ELF1: variants seen among roughly 807,000 people sequenced by gnomAD.
ELF1 encodes the protein ETS-related transcription factor Elf-1.
Under a neutral mutation model 59.9 loss-of-function variants are expected in ELF1, and 24 were observed. The observed-to-expected ratio is 0.40, with a 90% CI of 0.29 to 0.56. The LOEUF (loss-of-function observed/expected upper bound fraction) is 0.56, where lower values mean the gene tolerates loss of function less well. Ranked by LOEUF, ELF1 falls within the 20% of genes least tolerant of loss-of-function variation. The pLI, the probability that ELF1 is intolerant of heterozygous loss-of-function variation, is 0.44. For synonymous variants in ELF1, 248 were observed against 266.2 expected (o/e 0.93, Z 0.67); for missense variants, 627 against 742.2 (o/e 0.84, Z 1.80).
chr13:40,963,846 C>T (rs1872006142), intron 2 of ELF1, among the ~76,000 whole-genome samples: 1 of 151,822 alleles, frequency 6.6e-6, no homozygotes, highest in African/African-American at 2.4e-5. Context: ...GCAGAGGTTG[C>T]AGTGAGCCAA....
intron 1 of ELF1, among the ~76,000 whole-genome samples, chr13:41,030,078 A>T (rs923082647): frequency 1.3e-5 from 2 of 151,650 alleles, no homozygotes; most frequent in Admixed American, 6.6e-5. Flanking sequence ...TTTATATTAC[A>T]TTAACATGTA....
At chr13:41,016,573 T>A (rs926216045) in intron 1 of ELF1, among the ~76,000 whole-genome samples, 1 of 152,114 alleles carries the variant, frequency 6.6e-6, no homozygotes, top group Non-Finnish European at 1.5e-5. Context: ...ATACACATAT[T>A]TTAGTATAAC....
At position 40,956,001 on chromosome 13, in the gene ELF1, G is replaced by A. The variant is rs1225541156; in HGVS notation, c.253+2835C>T. ...CCGCCCCGTCCAGGAGGTGAGGGGC[G>A]CCTCTGCCTGGCCGCCCCTACTGGG... is the stretch of plus-strand genomic sequence containing the variant. On this transcript the variant is annotated intron_variant, in intron 3 of 8. Transcript: ENST00000239882. Among the ~76,000 whole-genome samples, 736 of 140,016 alleles carry A rather than the reference G, an allele frequency of 5.3e-3. 7 individuals are homozygous for A. Among genetic ancestry groups the A allele is most frequent in the South Asian group, 0.013 (54 of 4,114 alleles). The allele number at this position is 140,016 out of a possible 152,430, so 91.9% of individuals were successfully genotyped here. A position where few individuals can be genotyped will look rare whatever the true frequency, so the allele number is the denominator to read the frequency against.
chr13:41,021,984 T>C (rs767739413), upstream of ELF1, among the ~76,000 whole-genome samples: 1 of 152,164 alleles, frequency 6.6e-6, no homozygotes, highest in Non-Finnish European at 1.5e-5. Context: ...GTTTAGCCAC[T>C]TCGGAAGATA....
At chr13:41,012,312 CAAAAAAAAAAAA>C (rs56791748) in intron 1 of ELF1, among the ~76,000 whole-genome samples, 248 of 65,052 alleles carry the variant, frequency 3.8e-3, no homozygotes, top group African/African-American at 0.014. Context: ...GACTCTGTCT[CAAAAAAAAAAAA>C]AAAAAAAAAA....
chr13:41,051,987 C>A (rs544326512), intron 1 of ELF1, among the ~76,000 whole-genome samples: 4 of 141,274 alleles, frequency 2.8e-5, no homozygotes, highest in Non-Finnish European at 6.0e-5. Flanking sequence ...GTCGCCCAGG[C>A]TAGAGTGCAA....
intron 1 of ELF1, among the ~76,000 whole-genome samples, chr13:41,004,359 G>A (rs2138343749): frequency 6.6e-6 from 1 of 152,042 alleles, no homozygotes; most frequent in East Asian, 1.9e-4. Context: ...GAAAGGGGGT[G>A]GGGGATATTC....
intron 6 of ELF1, among the ~76,000 whole-genome samples, chr13:40,943,582 C>G (rs1214179572): frequency 6.6e-6 from 1 of 152,136 alleles, no homozygotes; most frequent in African/African-American, 2.4e-5. Context: ...AAAATCTAAC[C>G]TGGTTAAATT....
At chr13:40,994,173 C>T (rs1334196519) in intron 1 of ELF1, among the ~76,000 whole-genome samples, 2 of 152,128 alleles carry the variant, frequency 1.3e-5, no homozygotes, top group Non-Finnish European at 2.9e-5. Flanking sequence ...TCTTCACTTC[C>T]CATCATTGGC....
intron 1 of ELF1, among the ~76,000 whole-genome samples, chr13:41,002,810 A>G (rs1053615218): frequency 1.3e-5 from 2 of 152,124 alleles, no homozygotes; most frequent in Admixed American, 1.3e-4. Flanking sequence ...TATGTATGCT[A>G]TAGCAGAAGT....
intron 1 of ELF1, among the ~76,000 whole-genome samples, chr13:41,027,884 G>T (rs1876001588): frequency 1.3e-5 from 2 of 152,194 alleles, no homozygotes; most frequent in Non-Finnish European, 2.9e-5. Flanking sequence ...TTCAGTTACA[G>T]TGCCAGCTAG....
chr13:40,946,451 A>G (rs1488925305), intron 5 of ELF1, among the ~76,000 whole-genome samples: 1 of 152,170 alleles, frequency 6.6e-6, no homozygotes, highest in Non-Finnish European at 1.5e-5. Flanking sequence ...GTTTCCTGTC[A>G]TTATAGATTA....
intron 8 of ELF1, among the ~76,000 whole-genome samples, chr13:40,938,726 T>TTA (rs995448719): frequency 1.1e-4 from 17 of 151,882 alleles, no homozygotes; most frequent in African/African-American, 3.6e-4. Flanking sequence ...ATTTATCTAA[T>TTA]TATATATATA....
intron 1 of ELF1, among the ~76,000 whole-genome samples, chr13:41,012,675 C>T (rs1413044366): frequency 6.6e-6 from 1 of 151,420 alleles, no homozygotes; most frequent in East Asian, 1.9e-4. Flanking sequence ...TCTCGAGTAG[C>T]TGGAGCTACA....
At chr13:41,037,652 C>T (rs1004479533) in intron 1 of ELF1, among the ~76,000 whole-genome samples, 2 of 151,706 alleles carry the variant, frequency 1.3e-5, no homozygotes, top group African/African-American at 4.8e-5. Flanking sequence ...AAAAATTAGC[C>T]GGGCATGGTG....
chr13:40,938,963 T>C (rs557759605), intron 8 of ELF1, among the ~76,000 whole-genome samples: 89 of 152,272 alleles, frequency 5.8e-4, no homozygotes, highest in African/African-American at 2.0e-3. Context: ...AAATTTTCCA[T>C]AGTAAAAGGT....
chr13:40,996,063 AAAG>A (rs1874110979), intron 1 of ELF1, among the ~76,000 whole-genome samples: 1 of 152,220 alleles, frequency 6.6e-6, no homozygotes, highest in African/African-American at 2.4e-5. Context: ...TAGCATATGA[AAAG>A]AAGCCCCACA....
At chr13:41,013,425 A>G (rs1056824884) in intron 1 of ELF1, among the ~76,000 whole-genome samples, 2 of 152,222 alleles carry the variant, frequency 1.3e-5, no homozygotes, top group Admixed American at 6.5e-5. Context: ...GAAAAGTAAC[A>G]TAAGTCACAA....
rs142241615 is a variant in ELF1, at chr13:41,028,937, G to T, written c.-229+31901C>A. Among the ~76,000 whole-genome samples, 286 of 152,126 alleles carry T rather than the reference G, an allele frequency of 1.9e-3. 2 individuals carry two copies. The highest frequency in any genetic ancestry group is 6.5e-3 in the African/African-American group (270 of 41,488). On this transcript the variant is annotated intron_variant, in intron 1 of 1. Transcript: ENST00000405737. ...TTATTATTGTATTTTTAGAGACGGG[G>T]TTTCACCATATTGGCCAGGCTGGTC... is the stretch of plus-strand genomic sequence containing the variant.
Sources: allele counts gnomAD v4.1 joint callset (sites outside exome capture counted in the v4.1 genomes callset), GRCh38; gene constraint gnomAD v4.1.1; transcripts MANE v1.5; gene names NCBI Gene and HGNC (gene_info 2026-07-23, HGNC 2026-07-21).